Variants in FUT2 observed in about 807,000 individuals in gnomAD.
FUT2 encodes the protein fucosyltransferase 2 (H blood group).
For synonymous variants in FUT2, 182 were observed against 193.1 expected, an observed-to-expected ratio of 0.94 and a Z score of 0.48; for missense variants, 419 against 465.8, an observed-to-expected ratio of 0.90 and a Z score of 0.93.
intron 1 of FUT2, among the ~76,000 whole-genome samples, chr19:48,697,665 C>G (rs1308061891): frequency 1.3e-5 from 2 of 152,054 alleles, no homozygotes; most frequent in Non-Finnish European, 2.9e-5. Context: ...TTTGTGCCCA[C>G]GCAGCCCTAA....
intron 1 of FUT2, among the ~76,000 whole-genome samples, chr19:48,702,712 C>T (rs1568461632): frequency 6.6e-6 from 1 of 152,058 alleles, no homozygotes; most frequent in African/African-American, 2.4e-5. Flanking sequence ...ACATTACACA[C>T]AATGTGTACG....
Position 48,704,338 on chromosome 19 carries a change from C to A in FUT2, c.*350C>A. On this transcript the variant is annotated 3_prime_UTR_variant, in exon 2 of 2. Transcript: ENST00000425340. ...TCGGGAGGCTGAGGCAAGAGAATCA[C>A]TTGAACCCAGGAGGCGGAGGTTGCA... is the stretch of plus-strand genomic sequence containing the variant. 1 of 377,712 alleles carries A rather than the reference C, an allele frequency of 2.6e-6. No homozygotes were observed. Among genetic ancestry groups the A allele is most frequent in the South Asian group, 2.8e-5 (1 of 35,186 alleles). The allele number at this position is 377,712 out of a possible 1,614,324, so 23.4% of individuals were successfully genotyped here.
intron 1 of FUT2, among the ~76,000 whole-genome samples, chr19:48,699,400 G>T (rs2032471549): frequency 6.6e-6 from 1 of 151,970 alleles, no homozygotes; most frequent in Non-Finnish European, 1.5e-5. Flanking sequence ...GTTTCACTAT[G>T]TTGGCCAGAC....
chr19:48,703,613 C>A lies in FUT2; in HGVS notation c.657C>A (p.Asp219Glu). 2 of 1,613,312 alleles carry A rather than the reference C, an allele frequency of 1.2e-6. No individual in the cohort carries two copies. The highest frequency in any genetic ancestry group is 1.7e-6 in the Non-Finnish European group (2 of 1,179,978). The change falls in exon 2 of 2, where the codon GAC becomes GAA. Residue 219 changes from aspartate (D) to glutamate (E), a missense_variant. Transcript: ENST00000425340. ...MPKVWKGVVA[D>E]RRYLQQALDW... ...AAGTGTGGAAGGGGGTGGTGGCCGA[C>A]CGGCGATACCTACAGCAGGCCCTGG...
At chr19:48,700,152 C>CAAAAAAA (rs923397801) in intron 1 of FUT2, among the ~76,000 whole-genome samples, 3 of 45,302 alleles carry the variant, frequency 6.6e-5, no homozygotes, top group Non-Finnish European at 1.4e-4. Context: ...GACTCCATCT[C>CAAAAAAA]AAAAAAAAAA....
Position 48,703,526 on chromosome 19 carries a change from C to G in FUT2, c.570C>G (p.Ser190Arg). ...KFLRGLQVNGSRPGTFVGVHV... is the reference protein window; with the variant it reads ...KFLRGLQVNGRRPGTFVGVHV... The stretch of plus-strand genomic sequence containing the variant: ...TGCGGGGCCTGCAGGTGAACGGGAG[C>G]CGGCCGGGCACCTTTGTAGGGGTCC... The change falls in exon 2 of 2, where the codon AGC becomes AGG. Residue 190 changes from serine to arginine, a missense_variant. By Grantham distance (110) the Ser-to-Arg change is moderately radical (BLOSUM62 -1). Transcript: ENST00000425340. 6.2e-7 allele frequency: 1 copy of G among 1,613,204 alleles called. No individual in the cohort carries two copies. Among genetic ancestry groups the G allele is most frequent in the African/African-American group, 1.3e-5 (1 of 75,046 alleles).
Position 48,703,390 on chromosome 19 carries a change from T to C in FUT2, c.434T>C (p.Val145Ala), listed in dbSNP as rs2032561652. 2 of 1,613,046 alleles carry C rather than the reference T, an allele frequency of 1.2e-6. No individual in the cohort carries two copies. The highest frequency in any genetic ancestry group is 2.2e-5 in the East Asian group (1 of 44,862). Residue 145 changes from valine (V) to alanine (A), a missense_variant, in exon 2 of 2, where the codon GTC (valine) becomes GCC (alanine). By Grantham distance (64) the Val-to-Ala change is moderately conservative. Transcript: ENST00000425340. Reference sequence around the variant, plus strand: ...TACCGCCACATCCCGGGGGAGTACGTCCGCTTCACCGGCTACCCCTGCTCC... The same window carrying C: ...TACCGCCACATCCCGGGGGAGTACGCCCGCTTCACCGGCTACCCCTGCTCC... The part of the protein sequence containing the change: ...EEYRHIPGEY[V>A]RFTGYPCSWT...
At position 48,704,386 on chromosome 19, in the gene FUT2, C is replaced by T. The variant is rs970181381; in HGVS notation, c.*398C>T. ...GCAGTGAGCCAAGATGGTGCCGCTG[C>T]ACTCCAGTCTGGGTGACACAGCAAG... On this transcript the variant is annotated 3_prime_UTR_variant, in exon 2 of 2. Coordinates refer to ENST00000425340, the MANE Select transcript of FUT2 (RefSeq NM_000511.6). 121 of 309,104 alleles carry T rather than the reference C, an allele frequency of 3.9e-4. No homozygotes were observed. In the Admixed American group the frequency reaches 5.5e-3, roughly 14 times the overall value. 19.1% of individuals were successfully genotyped at this position (309,104 alleles called of 1,614,324 possible).
Position 48,703,503 on chromosome 19 carries a change from CG to C in FUT2, c.551del (p.Gly184AlafsTer4), listed in dbSNP as rs1222458333. Reference sequence around the variant, plus strand: ...GCGGGAGGAGGCCCAGAAGTTCCTGCGGGGCCTGCAGGTGAACGGGAGCCGG... The same window carrying C: ...GCGGGAGGAGGCCCAGAAGTTCCTGCGGGCCTGCAGGTGAACGGGAGCCGG... ...HVREEAQKFL[R>X]GLQVNGSRPG... On this transcript the variant is annotated frameshift_variant, in exon 2 of 2. Coordinates refer to ENST00000425340, the MANE Select transcript of FUT2 (RefSeq NM_000511.6). LOFTEE classifies it low-confidence loss of function (END_TRUNC). 1 of 1,612,894 alleles carries C rather than the reference CG, an allele frequency of 6.2e-7. No homozygotes were observed. The highest frequency in any genetic ancestry group is 8.5e-7 in the Non-Finnish European group (1 of 1,180,022).
At chr19:48,697,482 G>A (rs1286298251) in intron 1 of FUT2, among the ~76,000 whole-genome samples, 1 of 151,744 alleles carries the variant, frequency 6.6e-6, no homozygotes, top group African/African-American at 2.4e-5. Context: ...ATCAGTGTGG[G>A]CCACATAGCA....
chr19:48,703,737 G>C lies in FUT2; in HGVS notation c.781G>C (p.Val261Leu). The C allele has an allele frequency of 6.2e-7, 1 of 1,613,592 alleles. No individual in the cohort carries two copies. Among genetic ancestry groups the C allele is most frequent in the Non-Finnish European group, 8.5e-7 (1 of 1,179,988 alleles). ...CATTGACACCTCCCACGGTGATGTG[G>C]TGTTTGCTGGCGATGGCATTGAGGG... ...ENIDTSHGDVVFAGDGIEGSP... is the reference protein window; with the variant it reads ...ENIDTSHGDVLFAGDGIEGSP... The change falls in exon 2 of 2, where the codon GTG becomes CTG. Residue 261 changes from valine to leucine, a missense_variant. By Grantham distance (32) the Val-to-Leu change is conservative (BLOSUM62 1). Coordinates refer to ENST00000425340, the MANE Select transcript of FUT2 (RefSeq NM_000511.6).
At chr19:48,699,683 A>G (rs2032475603) in intron 1 of FUT2, among the ~76,000 whole-genome samples, 1 of 152,058 alleles carries the variant, frequency 6.6e-6, no homozygotes, top group South Asian at 2.1e-4. Flanking sequence ...TTTAATCCTC[A>G]GAGAGGTGAT....
rs1380500921 is a variant in FUT2 at position 48,704,837 on chromosome 19, C to CTCAGAT, written c.*852_*857dup. On this transcript the variant is annotated 3_prime_UTR_variant, in exon 2 of 2. Coordinates refer to ENST00000425340, the MANE Select transcript of FUT2 (RefSeq NM_000511.6). The stretch of plus-strand genomic sequence containing the variant: ...ATGAGACTTCTGGGATTAGTTTAGC[C>CTCAGAT]TCAGATTCTGCAGCTGAGAAGTTGA... The CTCAGAT allele has an allele frequency of 4.8e-6, 2 of 413,188 alleles. No homozygotes were observed. Among genetic ancestry groups the CTCAGAT allele is most frequent in the Non-Finnish European group, 8.8e-6 (2 of 226,160 alleles). 25.6% of individuals were successfully genotyped at this position (413,188 alleles called of 1,614,324 possible).
intron 1 of FUT2, among the ~76,000 whole-genome samples, chr19:48,697,516 C>CA (rs112467058): frequency 4.0e-5 from 6 of 151,540 alleles, no homozygotes; most frequent in South Asian, 4.5e-4. Context: ...ACCATCCCTA[C>CA]AAAAAAAGCA....
chr19:48,702,915 C>G (rs516246), intron 1 of FUT2, 40 bp from the exon 2 acceptor site: 1 of 1,604,886 alleles, frequency 6.2e-7, no homozygotes, highest in African/African-American at 1.3e-5. Flanking sequence ...CCCGGGCCTC[C>G]ATCTCCCAGC....
Position 48,695,977 on chromosome 19 carries a change from C to G in FUT2, c.-115C>G. The G allele has an allele frequency of 6.6e-6, 1 of 152,500 alleles. No homozygotes were observed. Among genetic ancestry groups the G allele is most frequent in the Middle Eastern group, 3.4e-3 (1 of 296 alleles). The allele number at this position is 152,500 out of a possible 1,614,324, so 9.4% of individuals were successfully genotyped here. A position where few individuals can be genotyped will look rare whatever the true frequency, so the allele number is the denominator to read the frequency against. ...CTCCTGGGCGGGGTTTGCCAGTCAC[C>G]GATGCTGGAAGGGTTTCTTTGGCCC... On this transcript the variant is annotated 5_prime_UTR_variant, in exon 1 of 2. Coordinates refer to ENST00000425340, the MANE Select transcript of FUT2 (RefSeq NM_000511.6).
rs1023815002 is a variant in FUT2 at position 48,697,993 on chromosome 19, C to CTTTTT, written c.-3+1924_-3+1928dup. Among the ~76,000 whole-genome samples, 37 of 88,134 alleles carry CTTTTT rather than the reference C, an allele frequency of 4.2e-4. 1 individual carries two copies. The highest frequency in any genetic ancestry group is 4.9e-4 in the Non-Finnish European group (23 of 46,890). The allele number at this position is 88,134 out of a possible 152,430, so 57.8% of individuals were successfully genotyped here. A position where few individuals can be genotyped will look rare whatever the true frequency, so the allele number is the denominator to read the frequency against. On this transcript the variant is annotated intron_variant, in intron 1 of 1. Transcript: ENST00000425340. ...ACAGGCATGAGCCACTGCACTGGCTCTTTTTTTTTTTTTTTTTTTTTTTTG... is the reference window on the plus strand; with the variant it reads ...ACAGGCATGAGCCACTGCACTGGCTCTTTTTTTTTTTTTTTTTTTTTTTTTTTTTG...
intron 1 of FUT2, among the ~76,000 whole-genome samples, chr19:48,698,439 CTTTTTTT>C (rs906266771): frequency 6.6e-6 from 1 of 150,392 alleles, no homozygotes; most frequent in African/African-American, 2.4e-5. Flanking sequence ...TTTCTTTTTT[CTTTTTTT>C]TTAAGATAGA....
At position 48,704,001 on chromosome 19, in the gene FUT2, C is replaced by CTTT. The variant is rs1397254339; in HGVS notation, c.*14_*16dup. The CTTT allele has an allele frequency of 6.2e-7, 1 of 1,610,220 alleles. No individual in the cohort carries two copies. Among genetic ancestry groups the CTTT allele is most frequent in the East Asian group, 2.2e-5 (1 of 44,868 alleles). ...ACTCAAGCACTAATGCTGGCCCATT[C>CTTT]TTTGAGACCTTTTCTCCTTCTCTGC... On this transcript the variant is annotated 3_prime_UTR_variant, in exon 2 of 2. Transcript: ENST00000425340.
Sources: gnomAD v4.1 joint callset for allele counts (sites outside exome capture counted in the v4.1 genomes callset) on GRCh38, gnomAD v4.1.1 for gene constraint, MANE v1.5 for transcripts, NCBI Gene and HGNC (gene_info 2026-07-23, HGNC 2026-07-21) for gene names.